Variants in ADCY2 observed in about 807,000 individuals in gnomAD.
ADCY2 encodes adenylate cyclase type 2.
Under a neutral mutation model 125.2 loss-of-function variants are expected in ADCY2, and 31 were observed. The observed-to-expected ratio is 0.25, with a 90% CI of 0.19 to 0.33. The LOEUF (loss-of-function observed/expected upper bound fraction) is 0.33, where lower values mean the gene tolerates loss of function less well. Ranked by LOEUF, ADCY2 falls within the 10% of genes least tolerant of loss-of-function variation. The pLI is 1.00. For synonymous variants in ADCY2, 512 were observed against 548.4 expected (o/e 0.93, Z 0.93); for missense variants, 904 against 1,418.2 (o/e 0.64, Z 5.82).
At chr5:7,513,237 AC>A (rs567019365) in intron 2 of ADCY2, among the ~76,000 whole-genome samples, 232 of 152,306 alleles carry the variant, frequency 1.5e-3, no homozygotes, top group Middle Eastern at 0.014. Flanking sequence ...TGTAACACTG[AC>A]AGTTTAGCAT....
intron 2 of ADCY2, among the ~76,000 whole-genome samples, chr5:7,520,465 A>T (rs1366979293): frequency 6.6e-6 from 1 of 152,224 alleles, no homozygotes; most frequent in Non-Finnish European, 1.5e-5. Context: ...CTGATAGTTT[A>T]GGACCAGCTT....
At chr5:7,406,280 T>C (rs1739486251) in intron 1 of ADCY2, among the ~76,000 whole-genome samples, 2 of 152,222 alleles carry the variant, frequency 1.3e-5, no homozygotes, top group African/African-American at 4.8e-5. Context: ...GGCACTCTTT[T>C]GTTCAAAGGG....
intron 2 of ADCY2, among the ~76,000 whole-genome samples, chr5:7,494,172 C>T (rs1284809032): frequency 6.6e-6 from 1 of 152,140 alleles, no homozygotes; most frequent in Non-Finnish European, 1.5e-5. Flanking sequence ...TGCTTTTTTC[C>T]ATTCGGTCCA....
intron 13 of ADCY2, 60 bp downstream of exon 13, chr5:7,724,674 T>A (rs1397572019): frequency 1.6e-6 from 2 of 1,250,194 alleles, no homozygotes; most frequent in Non-Finnish European, 2.3e-6. Flanking sequence ...AATTTCTTCA[T>A]GAAATTGTGC....
chr5:7,635,540 T>C (rs1391627750), intron 4 of ADCY2, among the ~76,000 whole-genome samples: 2 of 151,996 alleles, frequency 1.3e-5, no homozygotes, highest in African/African-American at 4.8e-5. Flanking sequence ...TATTGGGAGG[T>C]AAGGTACAGT....
At chr5:7,441,826 G>A (rs1418128364) in intron 2 of ADCY2, among the ~76,000 whole-genome samples, 1 of 152,160 alleles carries the variant, frequency 6.6e-6, no homozygotes, top group Non-Finnish European at 1.5e-5. Flanking sequence ...CCATCAGCTG[G>A]AAGGCCTTAA....
At position 7,797,618 on chromosome 5, in the gene ADCY2, G is replaced by A. The variant is rs181913018; in HGVS notation, c.2629-4600G>A. Reference sequence around the variant, plus strand: ...AGGGCACGTGTGTGTGTAACAGGGCGTCAGAGGGAATTTCAGCCTGCGACA... The same window carrying A: ...AGGGCACGTGTGTGTGTAACAGGGCATCAGAGGGAATTTCAGCCTGCGACA... On this transcript the variant is annotated intron_variant, in intron 20 of 24. Coordinates refer to ENST00000338316, the MANE Select transcript of ADCY2 (RefSeq NM_020546.3). The A allele has an allele frequency of 5.3e-5, 8 of 152,344 alleles. No homozygotes were observed. In the South Asian group the frequency reaches 8.3e-4, roughly 16 times the overall value. The allele number at this position is 152,344 out of a possible 1,614,324, so 9.4% of individuals were successfully genotyped here. A position where few individuals can be genotyped will look rare whatever the true frequency, so the allele number is the denominator to read the frequency against.
chr5:7,577,778 A>C (rs946256578), intron 3 of ADCY2, among the ~76,000 whole-genome samples: 1 of 152,198 alleles, frequency 6.6e-6, no homozygotes, highest in Non-Finnish European at 1.5e-5. Flanking sequence ...AGAAAAGGTG[A>C]AATTTTGAGT....
intron 20 of ADCY2, chr5:7,801,556 G>A (rs1174634278): frequency 6.6e-6 from 1 of 152,150 alleles, no homozygotes; most frequent in Non-Finnish European, 1.5e-5. Flanking sequence ...TGAATTCGAA[G>A]GTGTCACTGT....
chr5:7,643,555 T>A (rs1424192688), intron 4 of ADCY2, among the ~76,000 whole-genome samples: 1 of 146,794 alleles, frequency 6.8e-6, no homozygotes, highest in East Asian at 2.5e-4. Flanking sequence ...TTTGGTTTCA[T>A]TTCTTTTTTT....
At chr5:7,800,831 C>T (rs1285958709) in intron 20 of ADCY2, 1 of 152,198 alleles carries the variant, frequency 6.6e-6, no homozygotes, top group East Asian at 1.9e-4. Flanking sequence ...TCAGCATTGC[C>T]AGCGCTGTGC....
At chr5:7,703,112 G>A (rs2126342080) in intron 7 of ADCY2, among the ~76,000 whole-genome samples, 1 of 152,236 alleles carries the variant, frequency 6.6e-6, no homozygotes, top group South Asian at 2.1e-4. Context: ...TGAGTTCTTT[G>A]TAGATTCTGG....
intron 3 of ADCY2, among the ~76,000 whole-genome samples, chr5:7,584,602 C>T (rs997816158): frequency 6.6e-6 from 1 of 152,102 alleles, no homozygotes; most frequent in African/African-American, 2.4e-5. Flanking sequence ...CCATGACGAA[C>T]AACCGAAGTC....
intron 2 of ADCY2, among the ~76,000 whole-genome samples, chr5:7,456,200 CAG>C (rs1461226753): frequency 1.3e-5 from 2 of 152,002 alleles, no homozygotes; most frequent in East Asian, 1.9e-4. Flanking sequence ...GAAATAAAAA[CAG>C]AATAAATAAT....
intron 3 of ADCY2, among the ~76,000 whole-genome samples, chr5:7,559,011 T>C (rs1173822494): frequency 1.3e-5 from 2 of 152,168 alleles, no homozygotes; most frequent in African/African-American, 4.8e-5. Context: ...TTTCAGGTTT[T>C]CTATTCTGTT....
chr5:7,632,427 A>T (rs1349883622), intron 4 of ADCY2, among the ~76,000 whole-genome samples: 1 of 151,846 alleles, frequency 6.6e-6, no homozygotes, highest in African/African-American at 2.4e-5. Flanking sequence ...CATTTTTTTC[A>T]TTCTGTAAAT....
Position 7,681,975 on chromosome 5 carries a change from C to A in ADCY2, c.721-8716C>A, listed in dbSNP as rs542604506. Reference sequence around the variant, plus strand: ...CTGCTTAAGAGCAATTAACCACTAACTACTTTCCTCCCACTGGTTCTAATC... The same window carrying A: ...CTGCTTAAGAGCAATTAACCACTAAATACTTTCCTCCCACTGGTTCTAATC... On this transcript the variant is annotated intron_variant, in intron 4 of 24. Transcript: ENST00000338316. 9.2e-5 allele frequency among the ~76,000 whole-genome samples: 14 copies of A among 152,318 alleles called. No homozygotes were observed. In the South Asian group the frequency reaches 2.7e-3, roughly 29 times the overall value.
rs145851454 is a variant in ADCY2 at position 7,601,918 on chromosome 5, A to G, written c.571-24249A>G. ...TCATAGTTCCAAAACCCAGAAGTCC[A>G]AAATCAGGGTGTCAGCAGGGCCATG... is the stretch of plus-strand genomic sequence containing the variant. On this transcript the variant is annotated intron_variant, in intron 3 of 24. Coordinates refer to ENST00000338316, the MANE Select transcript of ADCY2 (RefSeq NM_020546.3). Among the ~76,000 whole-genome samples, 460 of 152,318 alleles carry G rather than the reference A, an allele frequency of 3.0e-3. 1 individual carries two copies. Among genetic ancestry groups the G allele is most frequent in the Admixed American group, 5.7e-3 (87 of 15,304 alleles).
At chr5:7,724,191 C>T (rs545915215) in intron 12 of ADCY2, among the ~76,000 whole-genome samples, 13 of 144,022 alleles carry the variant, frequency 9.0e-5, no homozygotes, top group Admixed American at 4.9e-4. Context: ...TGTGTGATTT[C>T]GGAAAAACAT....
Sources: allele counts gnomAD v4.1 joint callset (sites outside exome capture counted in the v4.1 genomes callset), GRCh38; gene constraint gnomAD v4.1.1; transcripts MANE v1.5; gene names NCBI Gene and HGNC (gene_info 2026-07-23, HGNC 2026-07-21).